The following RNF213 variants were observed in gnomAD, a reference collection of about 807,000 sequenced individuals.
The protein encoded by RNF213 is ring finger protein 213.
In RNF213, 341 loss-of-function variants were observed where a neutral mutation model predicts 514.4. The observed-to-expected ratio is 0.66, with a 90% CI of 0.61 to 0.73. The LOEUF is 0.73. Ranked by LOEUF, RNF213 falls within the 30% of genes least tolerant of loss-of-function variation. The probability of loss-of-function intolerance (pLI) is 0.00; values close to 1 mark genes in which losing one functional copy is unlikely to be tolerated. For missense variants in RNF213, 5,767 were observed against 6,615.6 expected (o/e 0.87, Z 4.45); for synonymous variants, 2,655 against 2,658.2 (o/e 1.00, Z 0.04).
At chr17:80,365,763 C>T (rs1353867224) in intron 42 of RNF213, among the ~76,000 whole-genome samples, 2 of 152,180 alleles carry the variant, frequency 1.3e-5, no homozygotes, top group Admixed American at 1.3e-4. Flanking sequence ...ACCCACACAG[C>T]ATGCAGCCTC....
intron 14 of RNF213, among the ~76,000 whole-genome samples, chr17:80,310,187 T>C (rs8081176): frequency 0.45 from 68,105 of 152,000 alleles, 17,640 homozygotes; most frequent in African/African-American, 0.73. Context: ...CTCTGTGCAG[T>C]TTTCACCCAC....
intron 17 of RNF213, among the ~76,000 whole-genome samples, chr17:80,324,676 A>C (rs1447783138): frequency 6.6e-6 from 1 of 152,194 alleles, no homozygotes; most frequent in Non-Finnish European, 1.5e-5. Context: ...GGAACATAAA[A>C]TATATGCTAT....
rs182812048 is a variant in RNF213, at chr17:80,312,776, G to A, written c.2656-236G>A. On this transcript the variant is annotated intron_variant, in intron 14 of 67. Transcript: ENST00000582970. ...GCTTTCGGGGGAGCACACAGATGCC[G>A]TTCCCTCCCTCCCTCTTTTCTCCCG... Among the ~76,000 whole-genome samples the A allele has an allele frequency of 2.1e-3, 326 of 152,248 alleles. 1 individual carries two copies. Among genetic ancestry groups the A allele is most frequent in the Non-Finnish European group, 3.2e-3 (219 of 68,006 alleles).
At chr17:80,356,424 T>C (rs2078824107) in intron 36 of RNF213, among the ~76,000 whole-genome samples, 1 of 152,260 alleles carries the variant, frequency 6.6e-6, no homozygotes, top group South Asian at 2.1e-4. Flanking sequence ...CGTCGTGTTC[T>C]GTGGTCACCG....
Position 80,348,134 on chromosome 17 carries a change from G to A in RNF213, c.9799G>A (p.Val3267Met), listed in dbSNP as rs199799029. The part of the protein sequence containing the change: ...ILLNCATPDA[V>M]VRLSAYSLGG... ...GCTGAACTGCGCTACGCCCGATGCC[G>A]TGGTCCGGCTGAGCGCCTACTCGCT... The change falls in exon 29 of 68, where the codon GTG (valine) becomes ATG (methionine). Residue 3267 changes from valine to methionine, a missense_variant. Around this residue, in one of 13 missense-constraint regions of RNF213, gnomAD observed 919 missense variants for 1,121.0 expected, o/e 0.82. Coordinates refer to ENST00000582970, the MANE Select transcript of RNF213 (RefSeq NM_001256071.3). 18 of 1,613,992 alleles carry A rather than the reference G, an allele frequency of 1.1e-5. No individual in the cohort carries two copies. The highest frequency in any genetic ancestry group is 5.0e-5 in the Admixed American group (3 of 60,012).
In RNF213 at chr17:80,332,036, CA is replaced by C; in HGVS notation, c.3549del (p.Gln1184LysfsTer8). On this transcript the variant is annotated frameshift_variant, in exon 21 of 68. Coordinates refer to ENST00000582970, the MANE Select transcript of RNF213 (RefSeq NM_001256071.3). LOFTEE classifies it high-confidence loss of function. Reference protein sequence around the residue: ...VDFGVLAVRHSQDLSSKRLND... With the variant: ...VDFGVLAVRHXQDLSSKRLND... ...TTTGGAGTGCTTGCAGTAAGACACT[CA>C]CAAGACCTCAGCAGTAAAAGATTAA... is the stretch of plus-strand genomic sequence containing the variant. 1 of 1,537,008 alleles carries C rather than the reference CA, an allele frequency of 6.5e-7. No homozygotes were observed. Among genetic ancestry groups the C allele is most frequent in the Non-Finnish European group, 8.7e-7 (1 of 1,146,850 alleles).
At chr17:80,281,167 A>G (rs1196915068) in intron 3 of RNF213, among the ~76,000 whole-genome samples, 3 of 77,452 alleles carry the variant, frequency 3.9e-5, no homozygotes, top group African/African-American at 1.5e-4. Flanking sequence ...ACACACCCCC[A>G]CACATACCCT....
chr17:80,324,285 C>CT (rs1176073235), intron 17 of RNF213, among the ~76,000 whole-genome samples: 15 of 151,946 alleles, frequency 9.9e-5, no homozygotes, highest in African/African-American at 3.4e-4. Flanking sequence ...TTGTTGAATG[C>CT]TTTTTTTTCT....
rs983071918 is a variant in RNF213, at chr17:80,369,787, A to G, written c.12345A>G (p.Lys4115=). 4.3e-6 allele frequency: 7 copies of G among 1,613,758 alleles called. No homozygotes were observed. In the Admixed American group the frequency reaches 5.0e-5, roughly 12 times the overall value. Residue 4115 remains lysine, a synonymous_variant, in exon 46 of 68, where the codon AAA becomes AAG. Coordinates refer to ENST00000582970, the MANE Select transcript of RNF213 (RefSeq NM_001256071.3). ...DAAQRHCEHT[K]SLSPFNDVVD... is the part of the protein sequence containing the mutation. ...TTTAAGGACACTGTGAACACACAAAATCTCTCTCTCCATTCAATGATGTTG... is the reference window on the plus strand; with the variant it reads ...TTTAAGGACACTGTGAACACACAAAGTCTCTCTCTCCATTCAATGATGTTG...
At position 80,360,224 on chromosome 17, in the gene RNF213, C is replaced by T. The variant is rs757413615; in HGVS notation, c.11200+18C>T. 3 of 1,607,858 alleles carry T rather than the reference C, an allele frequency of 1.9e-6. No individual in the cohort carries two copies. Among genetic ancestry groups the T allele is most frequent in the Middle Eastern group, 1.7e-4 (1 of 5,778 alleles). On this transcript the variant is annotated intron_variant, in intron 38 of 67. Transcript: ENST00000582970. ...CGCAGAAGGTGAGGCTACCTCAAGA[C>T]AGGTCAGATTCAGCACAGGTGAATC...
Position 80,347,088 on chromosome 17 carries a change from G to C in RNF213, c.8753G>C (p.Cys2918Ser). ...TELIESAKGI[C>S]SSDILVQDRV... ...CTCATAGAGAGCGCCAAGGGCATCTGCTCCTCAGACATCCTCGTCCAGGAC... is the reference window on the plus strand; with the variant it reads ...CTCATAGAGAGCGCCAAGGGCATCTCCTCCTCAGACATCCTCGTCCAGGAC... The change falls in exon 29 of 68, where the codon TGC becomes TCC. Residue 2918 changes from cysteine (C) to serine (S), a missense_variant. Cys to Ser is a moderately radical substitution (Grantham distance 112). Transcript: ENST00000582970. This position sits in a 1 kb window ranked among gnomAD's most constrained non-coding sequence, Gnocchi z 7.2. 6.2e-7 allele frequency: 1 copy of C among 1,614,074 alleles called. No homozygotes were observed. The highest frequency in any genetic ancestry group is 8.5e-7 in the Non-Finnish European group (1 of 1,180,026).
At chr17:80,371,069 A>G (rs2079499143) in intron 46 of RNF213, among the ~76,000 whole-genome samples, 1 of 152,216 alleles carries the variant, frequency 6.6e-6, no homozygotes, top group Non-Finnish European at 1.5e-5. Context: ...TGCACAGCCC[A>G]GTGAACCAAT....
intron 14 of RNF213, among the ~76,000 whole-genome samples, chr17:80,309,379 G>A (rs778391127): frequency 6.6e-6 from 1 of 152,134 alleles, no homozygotes; most frequent in Admixed American, 6.6e-5. Context: ...CTGCCCTTCT[G>A]CCACCTTGGG....
chr17:80,372,167 C>A (rs1442240540), intron 47 of RNF213, among the ~76,000 whole-genome samples, 182 bp downstream of exon 47: 1 of 152,194 alleles, frequency 6.6e-6, no homozygotes, highest in Non-Finnish European at 1.5e-5. Context: ...CATTTACTTG[C>A]ATATACATAC....
At chr17:80,349,986 G>A (rs983299135) in intron 30 of RNF213, 80 bp downstream of exon 30, 14 of 1,499,076 alleles carry the variant, frequency 9.3e-6, no homozygotes, top group African/African-American at 5.5e-5. Flanking sequence ...TGGTACCCGC[G>A]CCGGTTAATG....
rs776617236 is a variant in RNF213 at position 80,307,232 on chromosome 17, T to TG, written c.2501+31_2501+32insG. Reference sequence around the variant, plus strand: ...TGGAAAGCACGATGCAGTCTCTCCCTCACATGCGGCCCCCGGGGGCTTCCT... The same window carrying TG: ...TGGAAAGCACGATGCAGTCTCTCCCTGCACATGCGGCCCCCGGGGGCTTCCT... On this transcript the variant is annotated intron_variant, in intron 13 of 67. Coordinates refer to ENST00000582970, the MANE Select transcript of RNF213 (RefSeq NM_001256071.3). The TG allele has an allele frequency of 2.0e-5, 32 of 1,608,290 alleles. No individual in the cohort carries two copies. The Middle Eastern group carries it at 6.6e-4, about 33-fold the overall frequency.
rs149694183 is a variant in RNF213, at chr17:80,385,620, C to A, written c.14538C>A (p.Asn4846Lys). 4.3e-6 allele frequency: 7 copies of A among 1,613,356 alleles called. No individual in the cohort carries two copies. The highest frequency in any genetic ancestry group is 5.1e-6 in the Non-Finnish European group (6 of 1,179,450). Residue 4846 changes from asparagine (N) to lysine (K), a missense_variant and splice_region_variant, in exon 61 of 68, where the codon AAC (asparagine) becomes AAA (lysine). By Grantham distance (94) the Asn-to-Lys change is moderately conservative. Coordinates refer to ENST00000582970, the MANE Select transcript of RNF213 (RefSeq NM_001256071.3). ...AACTGAGGAGATCGCTTGAGACGAA[C>A]GGTTAGTATCCTGTCCCCTGTACCA... Reference protein sequence around the residue: ...WNKLRRSLETNGEINLPKDYC... With the variant: ...WNKLRRSLETKGEINLPKDYC...
At chr17:80,385,957 C>T (rs1030767179) in intron 61 of RNF213, among the ~76,000 whole-genome samples, 1 of 152,206 alleles carries the variant, frequency 6.6e-6, no homozygotes, top group South Asian at 2.1e-4. Flanking sequence ...GGAGCCACTG[C>T]GCCCAGCCAG....
rs1025831049 is a variant in RNF213 at position 80,339,759 on chromosome 17, G to C, written c.5392G>C (p.Asp1798His). ...TCCTGCCTTCCTGCCCGACTGCCTC[G>C]ACCTAGAGACCCTTGGCCACTGTCT... Reference protein sequence around the residue: ...CLPAFLPDCLDLETLGHCLAH... With the variant: ...CLPAFLPDCLHLETLGHCLAH... Residue 1798 changes from aspartate to histidine, a missense_variant, in exon 26 of 68, where the codon GAC becomes CAC. By Grantham distance (81) the Asp-to-His change is moderately conservative (BLOSUM62 -1). Around this residue, in one of 13 missense-constraint regions of RNF213, gnomAD observed 1,377 missense variants for 1,635.2 expected, o/e 0.84. Transcript: ENST00000582970. The C allele has an allele frequency of 3.3e-6, 5 of 1,536,646 alleles. No individual in the cohort carries two copies. The highest frequency in any genetic ancestry group is 4.9e-5 in the East Asian group (2 of 40,916).
Sources: gnomAD v4.1 joint callset for allele counts (sites outside exome capture counted in the v4.1 genomes callset) on GRCh38, gnomAD v4.1.1 for gene constraint, gnomAD v4.1.1 regional missense constraint, Gnocchi (gnomAD v3.1) non-coding constraint, MANE v1.5 for transcripts, NCBI Gene and HGNC (gene_info 2026-07-23, HGNC 2026-07-21) for gene names.